The following ABCB5 variants were observed in gnomAD, a reference collection of about 807,000 sequenced individuals.
ABCB5 encodes the protein ATP binding cassette subfamily B member 5.
In ABCB5, 155 loss-of-function variants were observed where a neutral mutation model predicts 144.2. That is an observed-to-expected ratio of 1.08 (90% CI 0.94 to 1.23). The LOEUF (loss-of-function observed/expected upper bound fraction) is 1.23. Among genes scored for constraint, ABCB5 ranks in the 50% most tolerant of loss-of-function variants. The pLI, the probability that ABCB5 is intolerant of heterozygous loss-of-function variation, is 0.00. For synonymous variants in ABCB5, 610 were observed against 528.6 expected, an observed-to-expected ratio of 1.15 and a Z score of -2.11; for missense variants, 1,830 against 1,520.8, an observed-to-expected ratio of 1.20 and a Z score of -3.38.
intron 23 of ABCB5, among the ~76,000 whole-genome samples, chr7:20,736,717 C>T (rs981810837): frequency 4.6e-5 from 7 of 152,180 alleles, no homozygotes; most frequent in African/African-American, 7.2e-5. Flanking sequence ...TACGGAGTTA[C>T]AGCACGGGTT....
chr7:20,744,915 T>TC (rs1381516514), intron 25 of ABCB5, among the ~76,000 whole-genome samples: 1 of 152,010 alleles, frequency 6.6e-6, no homozygotes, highest in East Asian at 1.9e-4. Context: ...GTGTTGTTAT[T>TC]TATTTATGTG....
chr7:20,618,162 T>C (rs1273981544), intron 1 of ABCB5, among the ~76,000 whole-genome samples: 1 of 152,204 alleles, frequency 6.6e-6, no homozygotes, highest in Non-Finnish European at 1.5e-5. Flanking sequence ...AGTGGTTTTA[T>C]CATCTTGAAA....
chr7:20,641,718 G>A (rs1393540904), intron 5 of ABCB5: 3 of 152,788 alleles, frequency 2.0e-5, no homozygotes, highest in East Asian at 1.9e-4. Flanking sequence ...TTCTCAGCAA[G>A]AATCATGAAA....
At chr7:20,673,536 C>G (rs909126282) in intron 14 of ABCB5, among the ~76,000 whole-genome samples, 3 of 151,924 alleles carry the variant, frequency 2.0e-5, no homozygotes, top group African/African-American at 7.2e-5. Context: ...TTGGTTATAT[C>G]CTTTTCACTT....
At chr7:20,644,453 AAT>A (rs1583388657) in intron 7 of ABCB5, among the ~76,000 whole-genome samples, 1 of 152,172 alleles carries the variant, frequency 6.6e-6, no homozygotes, top group African/African-American at 2.4e-5. Context: ...GTACTACACA[AAT>A]ATGTTTCAGT....
At chr7:20,695,700 G>C (rs78065047) in intron 16 of ABCB5, among the ~76,000 whole-genome samples, 2,567 of 151,800 alleles carry the variant, frequency 0.017, 72 homozygotes, top group African/African-American at 0.059. Context: ...AAAATATAAA[G>C]AACTCCCAAA....
chr7:20,625,908 C>T (rs866386660), intron 2 of ABCB5, among the ~76,000 whole-genome samples: 18 of 152,156 alleles, frequency 1.2e-4, no homozygotes, highest in African/African-American at 4.1e-4. Flanking sequence ...AAGTGCTCAA[C>T]AAAACGTGGC....
At chr7:20,680,585 AAC>A (rs1785760676) in intron 14 of ABCB5, among the ~76,000 whole-genome samples, 2 of 151,384 alleles carry the variant, frequency 1.3e-5, no homozygotes. Context: ...AAAAAAAAAA[AAC>A]CGACTGACTT....
rs777641854 is a variant in ABCB5, at chr7:20,681,660, G to A, written c.1863G>A (p.Met621Ile). The A allele has an allele frequency of 2.5e-6, 4 of 1,613,920 alleles. No homozygotes were observed. The highest frequency in any genetic ancestry group is 3.4e-6 in the Non-Finnish European group (4 of 1,179,948). ...AKRGLYYSLV[M>I]SQDIKKADEQ... ...GAGGTCTATATTATTCACTTGTGAT[G>A]TCACAGGTAATGCTTATGTGACATA... The change falls in exon 15 of 28, where the codon ATG becomes ATA. Residue 621 changes from methionine (M) to isoleucine (I), a missense_variant. Transcript: ENST00000404938.
At chr7:20,725,658 A>G (rs1299888147) in intron 21 of ABCB5, among the ~76,000 whole-genome samples, 1 of 152,144 alleles carries the variant, frequency 6.6e-6, no homozygotes, top group Non-Finnish European at 1.5e-5. Flanking sequence ...AATAATATTC[A>G]TCCCTTCTCC....
intron 14 of ABCB5, chr7:20,667,509 C>T (rs1785238728): frequency 8.2e-6 from 8 of 979,648 alleles, no homozygotes; most frequent in Non-Finnish European, 9.7e-6. Context: ...TAGACTGTGA[C>T]GTGTTAATGC....
chr7:20,753,327 A>G lies in ABCB5; in HGVS notation c.3430-33A>G, dbSNP rs143690781. 3.0e-5 allele frequency: 47 copies of G among 1,578,768 alleles called. No homozygotes were observed. The East Asian group carries it at 9.8e-4, about 33-fold the overall frequency. On this transcript the variant is annotated intron_variant, in intron 26 of 27. Transcript: ENST00000404938. ...TGCCATGCTAATTTAAATAACCAAGACTTGCTTTCTTAATTGCATGCTCCT... is the reference window on the plus strand; with the variant it reads ...TGCCATGCTAATTTAAATAACCAAGGCTTGCTTTCTTAATTGCATGCTCCT...
rs1237188024 is a variant in ABCB5, at chr7:20,643,530, T to C, written c.576T>C (p.Phe192=). The part of the protein sequence containing the change: ...IALLFQNMST[F]SIGLAVGLVK... ...TGTTGTTTCAAAACATGTCTACTTT[T>C]TCGATTGGCCTGGCAGTTGGTTTGG... The change falls in exon 7 of 28, where the codon TTT becomes TTC. Residue 192 remains phenylalanine, a synonymous_variant. Coordinates refer to ENST00000404938, the MANE Select transcript of ABCB5 (RefSeq NM_001163941.2). 3.1e-6 allele frequency: 5 copies of C among 1,614,046 alleles called. No homozygotes were observed. The East Asian group carries it at 1.1e-4, about 36-fold the overall frequency.
At chr7:20,662,145 A>G (rs984268774) in intron 14 of ABCB5, among the ~76,000 whole-genome samples, 1 of 152,230 alleles carries the variant, frequency 6.6e-6, no homozygotes, top group African/African-American at 2.4e-5. Flanking sequence ...CTAAGGCATC[A>G]TTATTATTAA....
At chr7:20,652,566 T>TG (rs147989323) in intron 13 of ABCB5, among the ~76,000 whole-genome samples, 23,973 of 151,882 alleles carry the variant, frequency 0.16, 2,326 homozygotes, top group Non-Finnish European at 0.21. Flanking sequence ...TGAGACTTTA[T>TG]GGGAAAAAAA....
intron 14 of ABCB5, among the ~76,000 whole-genome samples, chr7:20,679,707 T>C (rs1175584589): frequency 1.3e-5 from 2 of 152,194 alleles, no homozygotes; most frequent in African/African-American, 4.8e-5. Context: ...ACTTTATTAG[T>C]CATCGAGAAA....
chr7:20,740,584 A>G (rs1411471579), intron 24 of ABCB5, among the ~76,000 whole-genome samples: 1 of 152,156 alleles, frequency 6.6e-6, no homozygotes, highest in Non-Finnish European at 1.5e-5. Flanking sequence ...GGATGTAAGA[A>G]GCTTTTTTTT....
chr7:20,744,185 C>T (rs1034556584), intron 25 of ABCB5, among the ~76,000 whole-genome samples: 10 of 152,228 alleles, frequency 6.6e-5, no homozygotes, highest in African/African-American at 2.2e-4. Context: ...ATGCCTCAGC[C>T]TCCCAAGTAG....
At chr7:20,701,929 A>G (rs923436346) in intron 19 of ABCB5, among the ~76,000 whole-genome samples, 5 of 152,228 alleles carry the variant, frequency 3.3e-5, no homozygotes, top group Non-Finnish European at 7.4e-5. Context: ...CTTTGTCTAT[A>G]GTAAGGGAAG....
Sources: gnomAD v4.1 joint callset for allele counts (sites outside exome capture counted in the v4.1 genomes callset) on GRCh38, gnomAD v4.1.1 for gene constraint, MANE v1.5 for transcripts, NCBI Gene and HGNC (gene_info 2026-07-23, HGNC 2026-07-21) for gene names.